The following PPP1R9A variants were observed in gnomAD, a reference collection of about 807,000 sequenced individuals.
The protein encoded by PPP1R9A is protein phosphatase 1 regulatory subunit 9A.
PPP1R9A carries 59 observed loss-of-function variants against 141.9 expected under a neutral mutation model. The observed-to-expected ratio is 0.42, with a 90% CI of 0.34 to 0.52. PPP1R9A has a LOEUF of 0.52. Among genes scored for constraint, PPP1R9A ranks in the 20% least tolerant of loss-of-function variants. The pLI is 0.10. For missense variants in PPP1R9A, 1,444 were observed against 1,611.9 expected (o/e 0.90, Z 1.78); for synonymous variants, 500 against 569.7 (o/e 0.88, Z 1.74).
chr7:95,026,208 G>A (rs943139546), intron 2 of PPP1R9A, among the ~76,000 whole-genome samples: 5 of 152,174 alleles, frequency 3.3e-5, no homozygotes, highest in Non-Finnish European at 7.3e-5. Flanking sequence ...TGATCTTTGT[G>A]GATTTATTTA....
At chr7:95,229,152 A>C (rs370184824) in intron 8 of PPP1R9A, among the ~76,000 whole-genome samples, 26 of 152,016 alleles carry the variant, frequency 1.7e-4, no homozygotes, top group African/African-American at 5.5e-4. Flanking sequence ...GGTAGGAGGG[A>C]GAACTGCTGC....
chr7:94,979,385 C>T (rs1799828247), intron 2 of PPP1R9A, among the ~76,000 whole-genome samples: 1 of 152,090 alleles, frequency 6.6e-6, no homozygotes, highest in Non-Finnish European at 1.5e-5. Flanking sequence ...TCAGTGCTGT[C>T]TCTGTGAATT....
intron 12 of PPP1R9A, among the ~76,000 whole-genome samples, chr7:95,263,217 T>C (rs1800701960): frequency 1.3e-5 from 2 of 152,182 alleles, no homozygotes; most frequent in Admixed American, 1.3e-4. Context: ...ATATACTAAA[T>C]ATATGTTTTT....
rs546379641 is a variant in PPP1R9A at position 94,910,947 on chromosome 7, A to G, written c.834A>G (p.Pro278=). ...ATGCTCACAAGAGTAATGCAACTCC[A>G]GTACCAGAAGTGGCTTCTAAAAGTA... ...TEDAHKSNAT[P]VPEVASKSTS... Residue 278 remains proline, a synonymous_variant, in exon 2 of 20, where the codon CCA becomes CCG. Transcript: ENST00000433360. The surrounding 1 kb of genome is among the most constrained non-coding windows in gnomAD (Gnocchi z 4.5). 5 of 1,614,190 alleles carry G rather than the reference A, an allele frequency of 3.1e-6. No homozygotes were observed. In the South Asian group the frequency reaches 5.5e-5, roughly 18 times the overall value.
At chr7:95,046,140 AC>A (rs1809977091) in intron 2 of PPP1R9A, among the ~76,000 whole-genome samples, 1 of 149,452 alleles carries the variant, frequency 6.7e-6, no homozygotes, top group African/African-American at 2.5e-5. Flanking sequence ...GTGCAATGGC[AC>A]AATCTCGGTT....
rs563408213 is a variant in PPP1R9A at position 95,080,603 on chromosome 7, T to C, written c.1396-30656T>C. On this transcript the variant is annotated intron_variant, in intron 2 of 19. Coordinates refer to ENST00000433360, the MANE Select transcript of PPP1R9A (RefSeq NM_001166160.2). ...GGAAAAAACTACTTTAAAGTTCATATGGAACCAAAAAAGAGCCCGCATCGC... is the reference window on the plus strand; with the variant it reads ...GGAAAAAACTACTTTAAAGTTCATACGGAACCAAAAAAGAGCCCGCATCGC... 6.4e-3 allele frequency among the ~76,000 whole-genome samples: 982 copies of C among 152,270 alleles called. 10 individuals carry two copies. Among genetic ancestry groups the C allele is most frequent in the African/African-American group, 0.023 (935 of 41,548 alleles).
chr7:94,967,708 C>T (rs1192423591), intron 2 of PPP1R9A, among the ~76,000 whole-genome samples: 2 of 151,962 alleles, frequency 1.3e-5, no homozygotes, highest in Non-Finnish European at 2.9e-5. Flanking sequence ...GATCCTGGCT[C>T]AGTGCAAGCT....
chr7:95,186,022 A>C (rs1297532908), intron 5 of PPP1R9A, among the ~76,000 whole-genome samples: 1 of 129,464 alleles, frequency 7.7e-6, no homozygotes, highest in Non-Finnish European at 1.7e-5. Context: ...TTTTTGTTCC[A>C]TAGAAATTTT....
intron 2 of PPP1R9A, among the ~76,000 whole-genome samples, chr7:95,067,640 A>T (rs1487445182): frequency 6.6e-6 from 1 of 152,136 alleles, no homozygotes; most frequent in East Asian, 1.9e-4. Flanking sequence ...TCTGTGGGGG[A>T]TAGGTTCCAG....
chr7:95,194,793 A>G (rs1044508878), intron 5 of PPP1R9A, among the ~76,000 whole-genome samples: 2 of 151,938 alleles, frequency 1.3e-5, no homozygotes, highest in South Asian at 2.1e-4. Flanking sequence ...ACTGAAAACC[A>G]TAGTATATTA....
chr7:95,161,803 A>G lies in PPP1R9A; in HGVS notation c.1650-64A>G, dbSNP rs977854470. 3.5e-5 allele frequency: 37 copies of G among 1,064,972 alleles called. No individual in the cohort carries two copies. In the African/African-American group the frequency reaches 5.0e-4, roughly 14 times the overall value. 66.0% of individuals were successfully genotyped at this position (1,064,972 alleles called of 1,614,324 possible). Reference sequence around the variant, plus strand: ...TATTTTGTCAACTGATTTGTTGGAAATGATTATTACATAAATTAATTTTTT... The same window carrying G: ...TATTTTGTCAACTGATTTGTTGGAAGTGATTATTACATAAATTAATTTTTT... On this transcript the variant is annotated intron_variant, in intron 4 of 19. Coordinates refer to ENST00000433360, the MANE Select transcript of PPP1R9A (RefSeq NM_001166160.2).
At chr7:95,121,339 C>G (rs866983674) in intron 4 of PPP1R9A, among the ~76,000 whole-genome samples, 1 of 152,138 alleles carries the variant, frequency 6.6e-6, no homozygotes, top group Admixed American at 6.5e-5. Context: ...ATTAAAATCT[C>G]CAGTAGAGGG....
intron 2 of PPP1R9A, among the ~76,000 whole-genome samples, chr7:94,970,333 A>T (rs924392750): frequency 5.9e-5 from 9 of 152,200 alleles, no homozygotes; most frequent in African/African-American, 2.2e-4. Flanking sequence ...GGAAAAGTAT[A>T]GTATCTGGGC....
intron 2 of PPP1R9A, among the ~76,000 whole-genome samples, chr7:95,033,115 T>C (rs1563146084): frequency 6.6e-6 from 1 of 151,556 alleles, no homozygotes; most frequent in African/African-American, 2.4e-5. Flanking sequence ...CGCCATTCTC[T>C]TGCCTCAGCC....
At chr7:95,132,723 C>T (rs946347056) in intron 4 of PPP1R9A, among the ~76,000 whole-genome samples, 1 of 152,040 alleles carries the variant, frequency 6.6e-6, no homozygotes, top group Non-Finnish European at 1.5e-5. Context: ...TTGGCTTGCA[C>T]CCCAGTCTGG....
At chr7:94,998,029 C>T (rs1157288860) in intron 2 of PPP1R9A, among the ~76,000 whole-genome samples, 2 of 151,998 alleles carry the variant, frequency 1.3e-5, no homozygotes, top group South Asian at 2.1e-4. Context: ...AAGGTATGGA[C>T]AATTTTACTT....
At chr7:95,289,021 A>G (rs1490447438) in intron 19 of PPP1R9A, among the ~76,000 whole-genome samples, 1 of 152,164 alleles carries the variant, frequency 6.6e-6, no homozygotes, top group African/African-American at 2.4e-5. Context: ...ATGAGTTTTA[A>G]TAATGGCCAC....
intron 4 of PPP1R9A, among the ~76,000 whole-genome samples, chr7:95,136,061 T>G (rs1029496291): frequency 3.3e-5 from 5 of 152,158 alleles, no homozygotes; most frequent in Non-Finnish European, 7.4e-5. Flanking sequence ...CTTGGCAGGA[T>G]TGCCATTTGT....
chr7:95,063,424 G>A (rs1424365072), intron 2 of PPP1R9A, among the ~76,000 whole-genome samples: 2 of 152,160 alleles, frequency 1.3e-5, no homozygotes, highest in Middle Eastern at 3.4e-3. Flanking sequence ...AATTAGCTCG[G>A]TGTGGCAGCA....
Sources: allele counts gnomAD v4.1 joint callset (sites outside exome capture counted in the v4.1 genomes callset), GRCh38; gene constraint gnomAD v4.1.1; non-coding constraint Gnocchi (gnomAD v3.1); transcripts MANE v1.5; gene names NCBI Gene and HGNC (gene_info 2026-07-23, HGNC 2026-07-21).